Variants in GPC5 observed in about 807,000 individuals in gnomAD.
GPC5 encodes glypican 5.
A neutral mutation model predicts 53.9 loss-of-function variants in GPC5; 47 were observed. That is an observed-to-expected ratio of 0.87 (90% CI 0.69 to 1.11). The LOEUF (loss-of-function observed/expected upper bound fraction) is 1.11. Ranked by LOEUF, GPC5 falls within the 50% of genes most tolerant of loss-of-function variation. GPC5 has a pLI of 0.00. For synonymous variants in GPC5, 286 were observed against 263.3 expected (o/e 1.09, Z -0.84); for missense variants, 748 against 713.1 (o/e 1.05, Z -0.56).
At chr13:91,632,547 G>T (rs1045569545) in intron 2 of GPC5, among the ~76,000 whole-genome samples, 2 of 152,060 alleles carry the variant, frequency 1.3e-5, no homozygotes, top group Non-Finnish European at 1.5e-5. Context: ...AAAATATAAT[G>T]GAAAGAAGGC....
intron 7 of GPC5, among the ~76,000 whole-genome samples, chr13:92,360,964 C>G (rs751660018): frequency 6.6e-6 from 1 of 151,662 alleles, no homozygotes; most frequent in Non-Finnish European, 1.5e-5. Context: ...GTGAGCTTGA[C>G]ATAAAATAAC....
At chr13:91,822,848 C>T (rs1206599696) in intron 5 of GPC5, among the ~76,000 whole-genome samples, 1 of 152,140 alleles carries the variant, frequency 6.6e-6, no homozygotes, top group Non-Finnish European at 1.5e-5. Context: ...ATGAGTTGGA[C>T]TCTAAGTCTA....
chr13:91,538,974 T>C (rs1408825471), intron 2 of GPC5, among the ~76,000 whole-genome samples: 1 of 152,144 alleles, frequency 6.6e-6, no homozygotes, highest in Non-Finnish European at 1.5e-5. Context: ...CTGAAAGATA[T>C]TAATCATTAA....
At chr13:92,651,051 T>G (rs1227656846) in intron 7 of GPC5, among the ~76,000 whole-genome samples, 3 of 152,106 alleles carry the variant, frequency 2.0e-5, no homozygotes, top group Non-Finnish European at 4.4e-5. Context: ...GGCTTCCAGC[T>G]TCATCCATGT....
intron 3 of GPC5, among the ~76,000 whole-genome samples, chr13:91,705,870 T>C (rs1267774389): frequency 6.8e-6 from 1 of 147,310 alleles, no homozygotes; most frequent in Non-Finnish European, 1.5e-5. Context: ...TTTTCTTTTT[T>C]TTTCTTTCTT....
At chr13:92,310,511 A>G (rs2043138382) in intron 7 of GPC5, among the ~76,000 whole-genome samples, 1 of 152,162 alleles carries the variant, frequency 6.6e-6, no homozygotes, top group Non-Finnish European at 1.5e-5. Context: ...ATGTGGTTTA[A>G]TTGTTGCATT....
intron 6 of GPC5, among the ~76,000 whole-genome samples, chr13:91,961,950 C>T (rs549638555): frequency 6.6e-6 from 1 of 152,070 alleles, no homozygotes; most frequent in Non-Finnish European, 1.5e-5. Context: ...ATGTATAAAT[C>T]TGTAACTTTT....
chr13:91,884,200 AG>A (rs1429426644), intron 5 of GPC5, among the ~76,000 whole-genome samples: 2 of 152,190 alleles, frequency 1.3e-5, no homozygotes, highest in Non-Finnish European at 2.9e-5. Context: ...GGTTCATCAA[AG>A]ACCTAAAAAG....
In GPC5 at chr13:92,174,975, G is replaced by A. The variant is rs1255866619; in HGVS notation, c.1561+29986G>A. 5.9e-5 allele frequency among the ~76,000 whole-genome samples: 9 copies of A among 152,190 alleles called. No individual in the cohort carries two copies. The South Asian group carries it at 8.3e-4, about 14-fold the overall frequency. ...AGCGATTCTCCTGTCTCAGCCTCCC[G>A]AGTAGCTGGGGTTACAGGGATGCGC... is the stretch of plus-strand genomic sequence containing the variant. On this transcript the variant is annotated intron_variant, in intron 7 of 7. Coordinates refer to ENST00000377067, the MANE Select transcript of GPC5 (RefSeq NM_004466.6).
At chr13:91,986,842 A>G (rs931104855) in intron 6 of GPC5, among the ~76,000 whole-genome samples, 3 of 150,944 alleles carry the variant, frequency 2.0e-5, no homozygotes, top group African/African-American at 4.8e-5. Flanking sequence ...AAAAACATTT[A>G]TATTTCTACA....
intron 7 of GPC5, among the ~76,000 whole-genome samples, chr13:92,366,568 A>G (rs1275737524): frequency 4.0e-5 from 6 of 148,556 alleles, no homozygotes. Context: ...AACATCTTTT[A>G]AGGGTAATTC....
intron 5 of GPC5, among the ~76,000 whole-genome samples, chr13:91,865,968 A>T (rs551762145): frequency 1.3e-5 from 2 of 152,304 alleles, no homozygotes; most frequent in South Asian, 4.1e-4. Flanking sequence ...CCTGGGTTAA[A>T]GTGCTTCTCT....
At chr13:92,151,723 T>C (rs1356414240) in intron 7 of GPC5, among the ~76,000 whole-genome samples, 1 of 152,202 alleles carries the variant, frequency 6.6e-6, no homozygotes, top group Non-Finnish European at 1.5e-5. Flanking sequence ...CAGAAATGTT[T>C]CACATTTATC....
At chr13:92,356,090 C>A (rs1427268339) in intron 7 of GPC5, among the ~76,000 whole-genome samples, 1 of 152,060 alleles carries the variant, frequency 6.6e-6, no homozygotes, top group Non-Finnish European at 1.5e-5. Context: ...GATAACTTCC[C>A]TGCTCGTTTC....
At chr13:91,700,116 C>T (rs1358854633) in intron 3 of GPC5, among the ~76,000 whole-genome samples, 1 of 152,030 alleles carries the variant, frequency 6.6e-6, no homozygotes, top group Non-Finnish European at 1.5e-5. Context: ...CTGAATCCTT[C>T]TTATTTTGGA....
intron 6 of GPC5, among the ~76,000 whole-genome samples, chr13:92,014,908 C>T (rs1427306560): frequency 6.6e-6 from 1 of 151,716 alleles, no homozygotes; most frequent in Admixed American, 6.6e-5. Context: ...TATGGGAGTG[C>T]CTTGATTCTT....
At chr13:92,027,270 T>G (rs1471229855) in intron 6 of GPC5, among the ~76,000 whole-genome samples, 1 of 152,184 alleles carries the variant, frequency 6.6e-6, no homozygotes, top group African/African-American at 2.4e-5. Flanking sequence ...ATTTTTTAGC[T>G]AAAGGGAAAA....
At chr13:92,452,978 T>C (rs891376583) in intron 7 of GPC5, among the ~76,000 whole-genome samples, 1 of 152,176 alleles carries the variant, frequency 6.6e-6, no homozygotes, top group African/African-American at 2.4e-5. Flanking sequence ...TCGGGAGAAC[T>C]GGCTTGAGAT....
intron 7 of GPC5, among the ~76,000 whole-genome samples, chr13:92,355,866 A>G (rs373520491): frequency 3.4e-5 from 5 of 146,730 alleles, no homozygotes; most frequent in African/African-American, 1.0e-4. Flanking sequence ...AGAATCTATC[A>G]TTCATTGACC....
Sources: gnomAD v4.1 joint callset for allele counts (sites outside exome capture counted in the v4.1 genomes callset) on GRCh38, gnomAD v4.1.1 for gene constraint, MANE v1.5 for transcripts, NCBI Gene and HGNC (gene_info 2026-07-23, HGNC 2026-07-21) for gene names.